The following QTMAN variants were observed in gnomAD, a reference collection of about 807,000 sequenced individuals.
QTMAN encodes the protein tRNA-queuosine alpha-mannosyltransferase.
chr2:144,006,689 C>T, the QTMAN span: 1 of 152,514 alleles, frequency 6.6e-6, no homozygotes, highest in African/African-American at 2.4e-5. Flanking sequence ...ACAGAGGCAT[C>T]TGAGTGAAGG....
At chr2:144,107,650 T>C in the QTMAN span, among the ~76,000 whole-genome samples, 1 of 152,134 alleles carries the variant, frequency 6.6e-6, no homozygotes. Context: ...ACCAGATGGA[T>C]TCACAGCCGA....
the QTMAN span, among the ~76,000 whole-genome samples, chr2:144,200,589 CA>C: frequency 2.0e-5 from 3 of 152,196 alleles, no homozygotes; most frequent in Non-Finnish European, 4.4e-5. Context: ...GGGCCGCATT[CA>C]AAGCTGTCCT....
At chr2:144,268,317 C>T in the QTMAN span, among the ~76,000 whole-genome samples, 939 of 152,268 alleles carry the variant, frequency 6.2e-3, 14 homozygotes, top group African/African-American at 0.021. Context: ...CCTGCAGAAC[C>T]GTGGGCCAAA....
At chr2:144,091,940 C>T in the QTMAN span, among the ~76,000 whole-genome samples, 1 of 151,952 alleles carries the variant, frequency 6.6e-6, no homozygotes, top group African/African-American at 2.4e-5. Flanking sequence ...GAAGTGCATA[C>T]TATATGTTTT....
chr2:144,244,199 G>A, the QTMAN span, among the ~76,000 whole-genome samples: 1 of 152,158 alleles, frequency 6.6e-6, no homozygotes, highest in African/African-American at 2.4e-5. Flanking sequence ...AATTGAATGG[G>A]CATAAACAAC....
chr2:144,328,874 C>T, the QTMAN span, among the ~76,000 whole-genome samples: 12 of 152,280 alleles, frequency 7.9e-5, no homozygotes, highest in Non-Finnish European at 1.2e-4. Context: ...TGCATCTGCT[C>T]AGCCCAAATT....
the QTMAN span, among the ~76,000 whole-genome samples, chr2:143,985,078 T>C: frequency 6.6e-6 from 1 of 152,228 alleles, no homozygotes; most frequent in Non-Finnish European, 1.5e-5. Flanking sequence ...TCTGGTGCTC[T>C]GGGGGTCACA....
At chr2:144,324,583 T>C in the QTMAN span, among the ~76,000 whole-genome samples, 5 of 152,316 alleles carry the variant, frequency 3.3e-5, no homozygotes, top group African/African-American at 1.2e-4. Context: ...TGCAGTCACA[T>C]TACCTGCATA....
the QTMAN span, among the ~76,000 whole-genome samples, chr2:144,001,353 A>G: frequency 6.6e-6 from 1 of 151,948 alleles, no homozygotes; most frequent in East Asian, 1.9e-4. Context: ...TCAGTGACTC[A>G]CCTAAGTATG....
chr2:144,048,327 C>G, the QTMAN span, among the ~76,000 whole-genome samples: 3 of 152,106 alleles, frequency 2.0e-5, no homozygotes, highest in Non-Finnish European at 4.4e-5. Context: ...AATTACATGC[C>G]AAATGTAGAA....
chr2:144,308,004 A>T, the QTMAN span, among the ~76,000 whole-genome samples: 1 of 152,226 alleles, frequency 6.6e-6, no homozygotes, highest in Non-Finnish European at 1.5e-5. Flanking sequence ...AATAGAAAAG[A>T]CTTAGAATAG....
At chr2:144,207,946 GCTCAAGCAATCCTCCCAC>G in the QTMAN span, among the ~76,000 whole-genome samples, 2 of 151,900 alleles carry the variant, frequency 1.3e-5, no homozygotes, top group East Asian at 3.9e-4. Context: ...GAACTCCCAG[GCTCAAGCAATCCTCCCAC>G]CTCAGCCTCC....
chr2:144,114,126 T>C, the QTMAN span, among the ~76,000 whole-genome samples: 1 of 152,194 alleles, frequency 6.6e-6, no homozygotes, highest in African/African-American at 2.4e-5. Flanking sequence ...GTTTGCATCA[T>C]CTGTCATTAG....
At chr2:144,278,371 C>T in the QTMAN span, among the ~76,000 whole-genome samples, 131 of 152,162 alleles carry the variant, frequency 8.6e-4, no homozygotes, top group African/African-American at 3.0e-3. Context: ...TGGAAGAATA[C>T]TCAACATATA....
At chr2:144,012,615 A>G in the QTMAN span, among the ~76,000 whole-genome samples, 1 of 152,028 alleles carries the variant, frequency 6.6e-6, no homozygotes, top group Non-Finnish European at 1.5e-5. Context: ...GGTGGAATAC[A>G]CTCCTCACAA....
the QTMAN span, among the ~76,000 whole-genome samples, chr2:143,959,780 A>G: frequency 6.6e-6 from 1 of 152,116 alleles, no homozygotes; most frequent in African/African-American, 2.4e-5. Flanking sequence ...ATCTAAATAA[A>G]TATATCAAAA....
At chr2:144,148,456 G>C in the QTMAN span, among the ~76,000 whole-genome samples, 1 of 151,682 alleles carries the variant, frequency 6.6e-6, no homozygotes, top group Non-Finnish European at 1.5e-5. Context: ...CAAATTTTGG[G>C]TAAGTTATAC....
At chr2:143,945,944 T>A in the QTMAN span, 1 of 152,228 alleles carries the variant, frequency 6.6e-6, no homozygotes, top group Admixed American at 6.5e-5. Flanking sequence ...GTTGTCTCTG[T>A]CACAAGGAAA....
At chr2:144,225,699 C>T in the QTMAN span, among the ~76,000 whole-genome samples, 1 of 152,196 alleles carries the variant, frequency 6.6e-6, no homozygotes, top group Non-Finnish European at 1.5e-5. Context: ...GTTCAAGACT[C>T]TATTCAAATT....
Sources: gnomAD v4.1 joint callset for allele counts (sites outside exome capture counted in the v4.1 genomes callset) on GRCh38, gnomAD v4.1.1 for gene constraint, MANE v1.5 for transcripts, NCBI Gene and HGNC (gene_info 2026-07-23, HGNC 2026-07-21) for gene names.